Variants in GPC5 observed in about 807,000 individuals in gnomAD.
GPC5 encodes the protein glypican-5.
Under a neutral mutation model 53.9 loss-of-function variants are expected in GPC5, and 47 were observed. That is an observed-to-expected ratio of 0.87 (90% CI 0.69 to 1.11). GPC5 has a LOEUF of 1.11. GPC5 is among the 50% of genes most tolerant of loss of function. GPC5 has a pLI of 0.00. For missense variants in GPC5, 748 were observed against 713.1 expected, an observed-to-expected ratio of 1.05 and a Z score of -0.56; for synonymous variants, 286 against 263.3, an observed-to-expected ratio of 1.09 and a Z score of -0.84.
chr13:92,331,142 C>A (rs944745301), intron 7 of GPC5, among the ~76,000 whole-genome samples: 10 of 152,112 alleles, frequency 6.6e-5, no homozygotes, highest in African/African-American at 2.4e-4. Flanking sequence ...TATCTCTGCT[C>A]AGTCTTGAGT....
intron 6 of GPC5, among the ~76,000 whole-genome samples, chr13:92,132,302 A>G (rs952767901): frequency 6.6e-6 from 1 of 152,158 alleles, no homozygotes; most frequent in Non-Finnish European, 1.5e-5. Flanking sequence ...TACATGTATG[A>G]TTTATGCACT....
chr13:92,151,277 C>T (rs2041905722), intron 7 of GPC5, among the ~76,000 whole-genome samples: 1 of 152,058 alleles, frequency 6.6e-6, no homozygotes, highest in Non-Finnish European at 1.5e-5. Context: ...ACCTGGGACT[C>T]TGCTTACAAA....
intron 5 of GPC5, among the ~76,000 whole-genome samples, chr13:91,861,008 A>G (rs2039021700): frequency 6.6e-6 from 1 of 152,158 alleles, no homozygotes. Context: ...GTGATTTACA[A>G]CTATTTGGGG....
intron 7 of GPC5, among the ~76,000 whole-genome samples, chr13:92,609,121 A>G (rs1239409419): frequency 6.6e-6 from 1 of 152,138 alleles, no homozygotes; most frequent in African/African-American, 2.4e-5. Flanking sequence ...GTGTTGTCAT[A>G]CTACATTCTA....
chr13:92,382,454 G>T (rs2043756844), intron 7 of GPC5, among the ~76,000 whole-genome samples: 1 of 152,064 alleles, frequency 6.6e-6, no homozygotes, highest in Non-Finnish European at 1.5e-5. Flanking sequence ...CTAGGAATTG[G>T]TTACAATGAT....
intron 6 of GPC5, among the ~76,000 whole-genome samples, chr13:91,912,454 C>T (rs2039618413): frequency 6.6e-6 from 1 of 151,906 alleles, no homozygotes; most frequent in Non-Finnish European, 1.5e-5. Flanking sequence ...ATATTGATAC[C>T]ATTTATAAAA....
rs138318207 is a variant in GPC5 at position 92,598,881 on chromosome 13, G to T, written c.1562-267401G>T. ...AGAATACAAAAATTAGCTGGGTGTG[G>T]TGGTGGGCACCTGTAATCCCAGCTA... On this transcript the variant is annotated intron_variant, in intron 7 of 7. Coordinates refer to ENST00000377067, the MANE Select transcript of GPC5 (RefSeq NM_004466.6). Among the ~76,000 whole-genome samples, 640 of 152,270 alleles carry T rather than the reference G, an allele frequency of 4.2e-3. 7 individuals are homozygous for T. The highest frequency in any genetic ancestry group is 0.015 in the African/African-American group (621 of 41,556).
At chr13:91,834,645 A>G (rs1159339730) in intron 5 of GPC5, among the ~76,000 whole-genome samples, 1 of 152,218 alleles carries the variant, frequency 6.6e-6, no homozygotes, top group Non-Finnish European at 1.5e-5. Flanking sequence ...AGCAATGGAA[A>G]AAGGATTCCC....
At chr13:92,444,714 C>CAAAAAAA (rs1877721315) in intron 7 of GPC5, among the ~76,000 whole-genome samples, 1 of 19,040 alleles carries the variant, frequency 5.3e-5, no homozygotes, top group African/African-American at 2.4e-4. Flanking sequence ...TTCCTGAAAT[C>CAAAAAAA]TAAAAAAAAA....
intron 6 of GPC5, among the ~76,000 whole-genome samples, chr13:92,009,600 A>G (rs1198354598): frequency 6.6e-6 from 1 of 152,160 alleles, no homozygotes; most frequent in African/African-American, 2.4e-5. Flanking sequence ...AACAAAGTCT[A>G]AAGAACCCAG....
At chr13:91,995,336 G>C (rs774572157) in intron 6 of GPC5, 1 of 152,098 alleles carries the variant, frequency 6.6e-6, no homozygotes, top group Non-Finnish European at 1.5e-5. Flanking sequence ...TTCGAATTTT[G>C]TAAAATTATT....
At chr13:92,445,364 T>C (rs1877767464) in intron 7 of GPC5, among the ~76,000 whole-genome samples, 1 of 151,508 alleles carries the variant, frequency 6.6e-6, no homozygotes, top group Non-Finnish European at 1.5e-5. Flanking sequence ...GTGCACATTG[T>C]GCAGGTTAGT....
chr13:91,906,489 G>T (rs1308139671), intron 5 of GPC5, among the ~76,000 whole-genome samples: 4 of 151,920 alleles, frequency 2.6e-5, no homozygotes, highest in Admixed American at 2.6e-4. Context: ...ACACTATTCT[G>T]CCAGGCAAAT....
At chr13:91,670,271 C>G in intron 2 of GPC5, among the ~76,000 whole-genome samples, 1 of 152,118 alleles carries the variant, frequency 6.6e-6, no homozygotes, top group East Asian at 1.9e-4. Context: ...CAGTGTTTGG[C>G]AATTGTTAAT....
At chr13:92,293,018 G>A (rs1464068080) in intron 7 of GPC5, among the ~76,000 whole-genome samples, 1 of 151,626 alleles carries the variant, frequency 6.6e-6, no homozygotes, top group Non-Finnish European at 1.5e-5. Context: ...CTGTTTCACT[G>A]GTCTATGTGT....
Position 91,972,276 on chromosome 13 carries a change from C to A in GPC5, c.1401+64219C>A, listed in dbSNP as rs11842060. Among the ~76,000 whole-genome samples the A allele has an allele frequency of 2.2e-3, 335 of 152,274 alleles. 2 individuals are homozygous for A. Among genetic ancestry groups the A allele is most frequent in the African/African-American group, 7.7e-3 (321 of 41,542 alleles). On this transcript the variant is annotated intron_variant, in intron 6 of 7. Coordinates refer to ENST00000377067, the MANE Select transcript of GPC5 (RefSeq NM_004466.6). Reference sequence around the variant, plus strand: ...GGTTTAAAGTCTGTTTTATCAGAGACTAGGATTGCAACCCCTGCCTTTTTT... The same window carrying A: ...GGTTTAAAGTCTGTTTTATCAGAGAATAGGATTGCAACCCCTGCCTTTTTT...
At chr13:92,728,327 C>T (rs975466932) in intron 7 of GPC5, among the ~76,000 whole-genome samples, 4 of 151,354 alleles carry the variant, frequency 2.6e-5, no homozygotes, top group Admixed American at 6.6e-5. Flanking sequence ...TTGCTAATCT[C>T]TTTTATATTT....
intron 6 of GPC5, among the ~76,000 whole-genome samples, chr13:91,947,987 T>A (rs2039989238): frequency 6.6e-6 from 1 of 152,036 alleles, no homozygotes; most frequent in Non-Finnish European, 1.5e-5. Flanking sequence ...ATTTTAATAC[T>A]AAAGGGTTCT....
chr13:92,051,819 C>T (rs571632967), intron 6 of GPC5, among the ~76,000 whole-genome samples: 2 of 152,108 alleles, frequency 1.3e-5, no homozygotes, highest in African/African-American at 4.8e-5. Context: ...CTTTCTGGAC[C>T]ACCCTCTAGA....
Sources: allele counts gnomAD v4.1 joint callset (sites outside exome capture counted in the v4.1 genomes callset), GRCh38; gene constraint gnomAD v4.1.1; transcripts MANE v1.5; gene names NCBI Gene and HGNC (gene_info 2026-07-23, HGNC 2026-07-21).